Variants in UCHL1 observed in about 807,000 individuals in gnomAD.
The protein encoded by UCHL1 is ubiquitin C-terminal hydrolase L1, also known as ubiquitin carboxyl-terminal hydrolase isozyme L1.
UCHL1 carries 5 observed loss-of-function variants against 33.3 expected under a neutral mutation model. The observed-to-expected ratio is 0.15, with a 90% CI of 0.08 to 0.32. The LOEUF (loss-of-function observed/expected upper bound fraction) is 0.32. UCHL1 is among the 10% of genes least tolerant of loss of function. The pLI, the probability that UCHL1 is intolerant of heterozygous loss-of-function variation, is 1.00. For missense variants in UCHL1, 236 were observed against 280.0 expected (o/e 0.84, Z 1.12); for synonymous variants, 132 against 108.8 (o/e 1.21, Z -1.33).
chr4:41,263,390 A>G (rs1459180152), intron 7 of UCHL1, 99 bp downstream of exon 7: 1 of 1,163,918 alleles, frequency 8.6e-7, no homozygotes, highest in African/African-American at 1.5e-5. Context: ...CACTTGGCAT[A>G]TCATTGTTTA....
rs1479660729 is a variant in UCHL1, at chr4:41,261,898, C to A, written c.434C>A (p.Ala145Asp). 1 of 1,614,080 alleles carries A rather than the reference C, an allele frequency of 6.2e-7. No individual in the cohort carries two copies. Among genetic ancestry groups the A allele is most frequent in the Admixed American group, 1.7e-5 (1 of 60,014 alleles). The change falls in exon 6 of 9, where the codon GCC (alanine) becomes GAC (aspartate). Residue 145 changes from alanine to aspartate, a missense_variant. Transcript: ENST00000284440. Reference protein sequence around the residue: ...KNEAIQAAHDAVAQEGQCRVD... With the variant: ...KNEAIQAAHDDVAQEGQCRVD... ...CAGGCCATACAGGCAGCCCATGATG[C>A]CGTGGCACAGGAAGGCCAATGTCGG...
intron 8 of UCHL1, among the ~76,000 whole-genome samples, chr4:41,266,492 G>C (rs1220819844): frequency 3.3e-5 from 5 of 151,992 alleles, no homozygotes; most frequent in African/African-American, 1.2e-4. Flanking sequence ...TCTCTTTAAA[G>C]GTACATCTTT....
chr4:41,257,556 G>T, intron 2 of UCHL1, 53 bp from the exon 3 acceptor site: 1 of 1,450,676 alleles, frequency 6.9e-7, no homozygotes, highest in South Asian at 1.4e-5. Flanking sequence ...CCTGGCAGGT[G>T]CCCGCGACCC....
chr4:41,263,312 G>A, intron 7 of UCHL1, 21 bp downstream of exon 7: 1 of 1,608,754 alleles, frequency 6.2e-7, no homozygotes, highest in Non-Finnish European at 8.5e-7. Flanking sequence ...CTCCATTTTT[G>A]GAACCCAGTG....
At chr4:41,259,447 C>T (rs1781035939) in intron 3 of UCHL1, among the ~76,000 whole-genome samples, 1 of 152,172 alleles carries the variant, frequency 6.6e-6, no homozygotes, top group Admixed American at 6.5e-5. Flanking sequence ...AAAACACTTA[C>T]TGGTCAATGA....
chr4:41,258,380 C>T (rs750558858), intron 3 of UCHL1, among the ~76,000 whole-genome samples: 1 of 152,204 alleles, frequency 6.6e-6, no homozygotes, highest in Non-Finnish European at 1.5e-5. Flanking sequence ...TCATCTCTGA[C>T]CTTGTAGCTA....
chr4:41,263,373 T>C, intron 7 of UCHL1, 82 bp downstream of exon 7: 1 of 1,284,452 alleles, frequency 7.8e-7, no homozygotes, highest in Non-Finnish European at 1.1e-6. Flanking sequence ...ATTGTGTGAC[T>C]TTATGGCACT....
At chr4:41,267,939 A>T in intron 8 of UCHL1, 48 bp from the exon 9 acceptor site, 1 of 1,556,112 alleles carries the variant, frequency 6.4e-7, no homozygotes, top group Non-Finnish European at 8.8e-7. Flanking sequence ...TGTGACTTTC[A>T]TTTTGAGCTC....
intron 8 of UCHL1, chr4:41,264,551 G>T: frequency 3.2e-6 from 1 of 310,232 alleles, no homozygotes; most frequent in East Asian, 8.1e-5. Context: ...CAGTCTTGGA[G>T]GTAGTGTACT....
intron 2 of UCHL1, 78 bp from the exon 3 acceptor site, chr4:41,257,531 C>T (rs1196866161): frequency 5.0e-6 from 7 of 1,388,556 alleles, no homozygotes; most frequent in Non-Finnish European, 5.5e-6. Flanking sequence ...GGGCGCGCGC[C>T]TCCTGGCCCC....
intron 3 of UCHL1, among the ~76,000 whole-genome samples, chr4:41,258,189 G>C (rs1488277221): frequency 1.3e-5 from 2 of 152,184 alleles, no homozygotes; most frequent in Admixed American, 6.5e-5. Flanking sequence ...GAAACAATTA[G>C]GTTCGCTAAT....
chr4:41,259,083 T>C (rs1781029880), intron 3 of UCHL1, among the ~76,000 whole-genome samples: 1 of 152,220 alleles, frequency 6.6e-6, no homozygotes, highest in Non-Finnish European at 1.5e-5. Flanking sequence ...TTAGAGAACA[T>C]TCTAGTTTGT....
chr4:41,267,031 T>G (rs1466492647), intron 8 of UCHL1, among the ~76,000 whole-genome samples: 1 of 150,648 alleles, frequency 6.6e-6, no homozygotes, highest in Non-Finnish European at 1.5e-5. Flanking sequence ...TCCACTGGGC[T>G]TTTTTACAGA....
chr4:41,260,280 G>T (rs1243132991), intron 3 of UCHL1, among the ~76,000 whole-genome samples: 1 of 152,240 alleles, frequency 6.6e-6, no homozygotes, highest in Admixed American at 6.5e-5. Context: ...ATGCCTATGT[G>T]AAATAGTTGT....
chr4:41,263,955 T>A lies in UCHL1; in HGVS notation c.527-148T>A, dbSNP rs930816471. On this transcript the variant is annotated intron_variant, in intron 7 of 8. Coordinates refer to ENST00000284440, the MANE Select transcript of UCHL1 (RefSeq NM_004181.5). Reference sequence around the variant, plus strand: ...GATGCCTAGGGACACTTGAACCTCATTTGCAGCCTCTTGCTTCATAACCAG... The same window carrying A: ...GATGCCTAGGGACACTTGAACCTCAATTGCAGCCTCTTGCTTCATAACCAG... The A allele has an allele frequency of 2.5e-5, 24 of 973,824 alleles. 1 individual carries two copies. In the South Asian group the frequency reaches 3.2e-4, roughly 13 times the overall value. 60.3% of individuals were successfully genotyped at this position (973,824 alleles called of 1,614,324 possible).
chr4:41,257,637 A>C lies in UCHL1; in HGVS notation c.74A>C (p.Gln25Pro). The C allele has an allele frequency of 1.3e-6, 2 of 1,560,338 alleles. No homozygotes were observed. Among genetic ancestry groups the C allele is most frequent in the South Asian group, 1.2e-5 (1 of 85,100 alleles). The change falls in exon 3 of 9, where the codon CAG becomes CCG. Residue 25 changes from glutamine to proline, a missense_variant. Coordinates refer to ENST00000284440, the MANE Select transcript of UCHL1 (RefSeq NM_004181.5). Reference protein sequence around the residue: ...KVLSRLGVAGQWRFVDVLGLE... With the variant: ...KVLSRLGVAGPWRFVDVLGLE... ...CTGTCCCGGCTGGGGGTCGCCGGCC[A>C]GTGGCGCTTCGTGGACGTGCTGGGG...
At chr4:41,262,120 T>G (rs1390692980) in intron 6 of UCHL1, among the ~76,000 whole-genome samples, 197 bp downstream of exon 6, 1 of 152,232 alleles carries the variant, frequency 6.6e-6, no homozygotes, top group East Asian at 1.9e-4. Context: ...GTATTGGTCA[T>G]TGAAGTCTTG....
chr4:41,257,656 G>A lies in UCHL1; in HGVS notation c.93G>A (p.Val31=). 1 of 1,569,696 alleles carries A rather than the reference G, an allele frequency of 6.4e-7. No homozygotes were observed. The highest frequency in any genetic ancestry group is 1.8e-5 in the Admixed American group (1 of 54,460). Residue 31 remains valine, a synonymous_variant, in exon 3 of 9, where the codon GTG becomes GTA. Transcript: ENST00000284440. ...GVAGQWRFVD[V]LGLEEESLGS... Reference sequence around the variant, plus strand: ...CCGGCCAGTGGCGCTTCGTGGACGTGCTGGGGCTGGAAGAGGAGTCTCTGG... The same window carrying A: ...CCGGCCAGTGGCGCTTCGTGGACGTACTGGGGCTGGAAGAGGAGTCTCTGG...
intron 1 of UCHL1, 39 bp from the exon 2 acceptor site, chr4:41,257,075 TC>T: frequency 6.2e-7 from 1 of 1,614,018 alleles, no homozygotes; most frequent in Admixed American, 1.7e-5. Context: ...GAGTCGCTGA[TC>T]GGTTCGGTTT....
Sources: allele counts gnomAD v4.1 joint callset (sites outside exome capture counted in the v4.1 genomes callset), GRCh38; gene constraint gnomAD v4.1.1; transcripts MANE v1.5; gene names NCBI Gene and HGNC (gene_info 2026-07-23, HGNC 2026-07-21).